ERC2: variants seen among roughly 807,000 people sequenced by gnomAD.
ERC2 encodes the protein ERC protein 2.
A neutral mutation model predicts 114.8 loss-of-function variants in ERC2; 42 were observed. The ratio of observed to expected loss-of-function variants is 0.37; its 90% confidence interval spans 0.29 to 0.47. The LOEUF is 0.47. ERC2 is among the 20% of genes least tolerant of loss of function. The pLI, the probability that ERC2 is intolerant of heterozygous loss-of-function variation, is 0.99. For missense variants in ERC2, 939 were observed against 1,150.7 expected (o/e 0.82, Z 2.66); for synonymous variants, 454 against 425.5 (o/e 1.07, Z -0.82).
chr3:55,745,950 T>C (rs1463629933), intron 14 of ERC2, among the ~76,000 whole-genome samples: 1 of 152,242 alleles, frequency 6.6e-6, no homozygotes, highest in African/African-American at 2.4e-5. Context: ...CTCTATTGTA[T>C]ATTTAAAGCT....
At chr3:56,448,642 C>T (rs1456278905) in intron 1 of ERC2, among the ~76,000 whole-genome samples, 1 of 152,190 alleles carries the variant, frequency 6.6e-6, no homozygotes, top group Non-Finnish European at 1.5e-5. Flanking sequence ...AAAGGCCAAA[C>T]AGTACACATT....
intron 17 of ERC2, among the ~76,000 whole-genome samples, chr3:55,552,631 GAAAAAAGGAAAAAA>G (rs2055292494): frequency 7.3e-6 from 1 of 136,440 alleles, no homozygotes; most frequent in South Asian, 2.4e-4. Flanking sequence ...AGAGAATTTG[GAAAAAAGGAAAAAA>G]AAAAAAGGAG....
intron 3 of ERC2, among the ~76,000 whole-genome samples, chr3:56,268,124 G>A (rs1361492684): frequency 6.6e-6 from 1 of 152,084 alleles, no homozygotes; most frequent in Non-Finnish European, 1.5e-5. Context: ...TATGACACTA[G>A]TACCATATGA....
chr3:55,732,002 C>T (rs2065278117), intron 15 of ERC2, among the ~76,000 whole-genome samples: 1 of 152,066 alleles, frequency 6.6e-6, no homozygotes, highest in South Asian at 2.1e-4. Flanking sequence ...CTGAATTTCT[C>T]CCTGAACCTG....
chr3:56,107,266 T>C lies in ERC2; in HGVS notation c.1474-26282A>G, dbSNP rs1425889648. Among the ~76,000 whole-genome samples, 34 of 151,182 alleles carry C rather than the reference T, an allele frequency of 2.2e-4. 1 individual carries two copies. The highest frequency in any genetic ancestry group is 1.9e-3 in the South Asian group (9 of 4,778). Reference sequence around the variant, plus strand: ...TCACACAAATCATTAAATCCACTTTTTTTTTTTTTTTTGCTAATTTTAAAA... The same window carrying C: ...TCACACAAATCATTAAATCCACTTTCTTTTTTTTTTTTGCTAATTTTAAAA... On this transcript the variant is annotated intron_variant, in intron 6 of 17. Coordinates refer to ENST00000288221, the MANE Select transcript of ERC2 (RefSeq NM_015576.3).
chr3:55,520,469 A>G (rs1005968880), intron 17 of ERC2, among the ~76,000 whole-genome samples: 5 of 152,176 alleles, frequency 3.3e-5, no homozygotes, highest in Middle Eastern at 3.4e-3. Flanking sequence ...AAGAGAGAAA[A>G]TACTTATCTC....
At chr3:56,257,521 G>A (rs745476257) in intron 3 of ERC2, among the ~76,000 whole-genome samples, 2 of 152,154 alleles carry the variant, frequency 1.3e-5, no homozygotes, top group Admixed American at 1.3e-4. Context: ...TTTCACTGAA[G>A]TTACAAAAAC....
At chr3:56,267,497 C>A (rs547753426) in intron 3 of ERC2, among the ~76,000 whole-genome samples, 1 of 151,946 alleles carries the variant, frequency 6.6e-6, no homozygotes, top group Non-Finnish European at 1.5e-5. Context: ...GTTGGCAGGG[C>A]GCAGTGGCTC....
chr3:56,081,227 T>C (rs1333012310), intron 6 of ERC2, among the ~76,000 whole-genome samples: 1 of 152,110 alleles, frequency 6.6e-6, no homozygotes, highest in African/African-American at 2.4e-5. Context: ...AAATAAGACA[T>C]TATGAAATAG....
chr3:56,328,852 G>A (rs2057481706), intron 2 of ERC2, among the ~76,000 whole-genome samples: 2 of 152,246 alleles, frequency 1.3e-5, no homozygotes, highest in East Asian at 1.9e-4. Context: ...AAAACGGCAA[G>A]AGACTTTGAG....
In ERC2 at chr3:55,584,960, G is replaced by A. The variant is rs796083394; in HGVS notation, c.*40-73684C>T. Among the ~76,000 whole-genome samples the A allele has an allele frequency of 4.6e-5, 7 of 152,160 alleles. No individual in the cohort carries two copies. The South Asian group carries it at 1.0e-3, about 23-fold the overall frequency. ...AACCAGACCTGCCTGCAAAATACCCGGGGAGTTACAAATCCAAATACGGTC... is the reference window on the plus strand; with the variant it reads ...AACCAGACCTGCCTGCAAAATACCCAGGGAGTTACAAATCCAAATACGGTC... On this transcript the variant is annotated intron_variant, in intron 17 of 17. Transcript: ENST00000288221.
chr3:56,274,624 A>C (rs2053873800), intron 3 of ERC2, among the ~76,000 whole-genome samples: 1 of 152,166 alleles, frequency 6.6e-6, no homozygotes, highest in South Asian at 2.1e-4. Context: ...TCAGATTCAA[A>C]TATTGTTTGT....
chr3:55,896,316 C>A (rs576780666), intron 13 of ERC2, among the ~76,000 whole-genome samples: 73 of 152,350 alleles, frequency 4.8e-4, no homozygotes, highest in African/African-American at 1.7e-3. Context: ...GCACTAGGCA[C>A]TGTGGCTGGC....
At chr3:56,318,757 T>C (rs913580614) in intron 2 of ERC2, among the ~76,000 whole-genome samples, 9 of 151,556 alleles carry the variant, frequency 5.9e-5, no homozygotes, top group Non-Finnish European at 1.0e-4. Flanking sequence ...TGAGATATCA[T>C]TTCACGTCTA....
At chr3:55,854,495 A>T (rs2061706508) in intron 14 of ERC2, among the ~76,000 whole-genome samples, 1 of 152,232 alleles carries the variant, frequency 6.6e-6, no homozygotes, top group Non-Finnish European at 1.5e-5. Context: ...CAGGAGCAGC[A>T]GAGACAACCG....
intron 2 of ERC2, among the ~76,000 whole-genome samples, chr3:56,335,059 C>G (rs914704139): frequency 2.6e-5 from 4 of 152,164 alleles, no homozygotes; most frequent in Non-Finnish European, 5.9e-5. Flanking sequence ...CCCACCTTGG[C>G]CTCCCAAAGT....
intron 14 of ERC2, among the ~76,000 whole-genome samples, chr3:55,853,025 T>C (rs2061640805): frequency 6.6e-6 from 1 of 152,162 alleles, no homozygotes; most frequent in South Asian, 2.1e-4. Flanking sequence ...CATCCCACTG[T>C]CCAGTTTTAA....
At chr3:56,237,175 T>G (rs1337836161) in intron 3 of ERC2, among the ~76,000 whole-genome samples, 1 of 152,210 alleles carries the variant, frequency 6.6e-6, no homozygotes, top group Non-Finnish European at 1.5e-5. Context: ...TGCCTGTGCC[T>G]AAGGCTGCAT....
chr3:56,102,976 T>A (rs113339777), intron 6 of ERC2, among the ~76,000 whole-genome samples: 272 of 152,312 alleles, frequency 1.8e-3, no homozygotes, highest in African/African-American at 6.3e-3. Flanking sequence ...GTAAATGAGA[T>A]AGTCCTATCT....
Sources: gnomAD v4.1 joint callset for allele counts (sites outside exome capture counted in the v4.1 genomes callset) on GRCh38, gnomAD v4.1.1 for gene constraint, MANE v1.5 for transcripts, NCBI Gene and HGNC (gene_info 2026-07-23, HGNC 2026-07-21) for gene names.